Variants in DLG2 observed in about 807,000 individuals in gnomAD.
DLG2 encodes the protein discs large MAGUK scaffold protein 2.
DLG2 carries 45 observed loss-of-function variants against 132.5 expected under a neutral mutation model. That is an observed-to-expected ratio of 0.34 (90% CI 0.27 to 0.44). The LOEUF is 0.44. DLG2 is among the 20% of genes least tolerant of loss of function. The probability of loss-of-function intolerance (pLI) is 1.00; values close to 1 mark genes in which losing one functional copy is unlikely to be tolerated. For missense variants in DLG2, 1,045 were observed against 1,196.9 expected (o/e 0.87, Z 1.87); for synonymous variants, 424 against 419.6 (o/e 1.01, Z -0.13).
intron 6 of DLG2, among the ~76,000 whole-genome samples, chr11:84,867,677 G>A (rs2084796032): frequency 6.6e-6 from 1 of 152,178 alleles, no homozygotes; most frequent in Non-Finnish European, 1.5e-5. Flanking sequence ...GGTGTCTCTA[G>A]GACTAACATG....
chr11:84,352,555 C>CA (rs1287947230), intron 7 of DLG2, among the ~76,000 whole-genome samples: 2 of 152,030 alleles, frequency 1.3e-5, no homozygotes, highest in African/African-American at 4.8e-5. Context: ...GGGTGAGCCA[C>CA]AAAAAAAGAT....
chr11:83,695,342 G>A (rs2081703407), intron 18 of DLG2, among the ~76,000 whole-genome samples: 1 of 152,168 alleles, frequency 6.6e-6, no homozygotes, highest in Admixed American at 6.5e-5. Context: ...TGAAAGGCCT[G>A]TTACCGCTAT....
chr11:84,204,082 C>T (rs2096633612), intron 8 of DLG2, among the ~76,000 whole-genome samples: 1 of 152,040 alleles, frequency 6.6e-6, no homozygotes, highest in Non-Finnish European at 1.5e-5. Context: ...CTCAGCCTCC[C>T]GAATAGCTGG....
chr11:85,254,969 A>AGT (rs2076592729), intron 4 of DLG2, among the ~76,000 whole-genome samples: 1 of 151,692 alleles, frequency 6.6e-6, no homozygotes. Flanking sequence ...ACTGCACTCC[A>AGT]GCCTGGGCAA....
chr11:84,096,288 T>A (rs2097164330), intron 10 of DLG2, among the ~76,000 whole-genome samples: 1 of 152,094 alleles, frequency 6.6e-6, no homozygotes, highest in African/African-American at 2.4e-5. Flanking sequence ...ACATCTGACA[T>A]CTCTGTATCT....
chr11:85,311,009 C>G (rs900136313), intron 3 of DLG2, among the ~76,000 whole-genome samples: 11 of 152,150 alleles, frequency 7.2e-5, no homozygotes, highest in African/African-American at 2.7e-4. Flanking sequence ...AAACTATAGT[C>G]CATAGACAAA....
chr11:85,410,965 G>T (rs543564235), intron 3 of DLG2, among the ~76,000 whole-genome samples: 8 of 151,982 alleles, frequency 5.3e-5, no homozygotes, highest in African/African-American at 1.9e-4. Flanking sequence ...CAGCAAGTTT[G>T]CTTCCAGAGG....
chr11:83,522,380 C>T (rs1405177671), intron 21 of DLG2, among the ~76,000 whole-genome samples: 3 of 152,116 alleles, frequency 2.0e-5, no homozygotes, highest in South Asian at 4.1e-4. Flanking sequence ...TATTCATCTA[C>T]GTCTCCACCC....
intron 14 of DLG2, among the ~76,000 whole-genome samples, chr11:83,938,951 A>T (rs2082066620): frequency 6.6e-6 from 1 of 152,058 alleles, no homozygotes; most frequent in Non-Finnish European, 1.5e-5. Flanking sequence ...TTGACCTCTA[A>T]TTTATAATTG....
At chr11:84,309,584 T>C (rs1212018859) in intron 7 of DLG2, among the ~76,000 whole-genome samples, 1 of 152,180 alleles carries the variant, frequency 6.6e-6, no homozygotes, top group African/African-American at 2.4e-5. Flanking sequence ...CTGATATAAT[T>C]ACAAAACATC....
At chr11:85,614,622 G>A (rs919003141) in intron 2 of DLG2, among the ~76,000 whole-genome samples, 7 of 152,060 alleles carry the variant, frequency 4.6e-5, no homozygotes, top group East Asian at 1.9e-4. Context: ...CCTGGGCAAC[G>A]AGAGTGCAAC....
chr11:84,038,189 C>G (rs1300345659), intron 11 of DLG2, among the ~76,000 whole-genome samples: 1 of 151,918 alleles, frequency 6.6e-6, no homozygotes, highest in Non-Finnish European at 1.5e-5. Context: ...ACAAAATAAA[C>G]TATCAACTGA....
chr11:85,485,030 T>C (rs1202468962), intron 3 of DLG2, among the ~76,000 whole-genome samples: 2 of 152,052 alleles, frequency 1.3e-5, no homozygotes, highest in Middle Eastern at 3.2e-3. Context: ...CCATAAAAAA[T>C]GATGAGTTCA....
intron 18 of DLG2, among the ~76,000 whole-genome samples, chr11:83,777,591 T>C (rs936291355): frequency 2.6e-5 from 4 of 152,212 alleles, no homozygotes; most frequent in Admixed American, 1.3e-4. Context: ...AATGGTTCTA[T>C]AAACAAAAAG....
chr11:83,559,434 G>T (rs1468946763), intron 19 of DLG2, among the ~76,000 whole-genome samples: 2 of 152,190 alleles, frequency 1.3e-5, no homozygotes, highest in Non-Finnish European at 2.9e-5. Flanking sequence ...GAGATTCAAT[G>T]AAGGTACTTT....
chr11:84,368,195 G>A (rs182863108), intron 7 of DLG2, among the ~76,000 whole-genome samples: 12 of 152,240 alleles, frequency 7.9e-5, no homozygotes, highest in African/African-American at 2.6e-4. Context: ...TGGGACAGAA[G>A]GTTTGGTCAA....
chr11:84,276,206 G>T (rs1055777987), intron 7 of DLG2, among the ~76,000 whole-genome samples: 1 of 152,158 alleles, frequency 6.6e-6, no homozygotes, highest in Non-Finnish European at 1.5e-5. Context: ...GAGGTGATAA[G>T]TTCTATGTGT....
At chr11:84,560,265 A>G (rs1158666205) in intron 6 of DLG2, among the ~76,000 whole-genome samples, 1 of 152,062 alleles carries the variant, frequency 6.6e-6, no homozygotes. Context: ...ATTGCTGTTG[A>G]CTATTATTGA....
At chr11:83,789,778 C>T (rs993819309) in intron 17 of DLG2, among the ~76,000 whole-genome samples, 2 of 152,142 alleles carry the variant, frequency 1.3e-5, no homozygotes, top group Non-Finnish European at 2.9e-5. Context: ...AATCTTTTGA[C>T]CTCGTGATCT....
Sources: allele counts gnomAD v4.1 joint callset (sites outside exome capture counted in the v4.1 genomes callset), GRCh38; gene constraint gnomAD v4.1.1; transcripts MANE v1.5; gene names NCBI Gene and HGNC (gene_info 2026-07-23, HGNC 2026-07-21).